SNTB1: variants seen among roughly 807,000 people sequenced by gnomAD.
SNTB1 encodes syntrophin beta 1.
A neutral mutation model predicts 48.9 loss-of-function variants in SNTB1; 36 were observed. The observed-to-expected ratio is 0.74, with a 90% CI of 0.56 to 0.97. SNTB1 has a LOEUF of 0.97. Among genes scored for constraint, SNTB1 ranks in the 50% least tolerant of loss-of-function variants. The pLI, the probability that SNTB1 is intolerant of heterozygous loss-of-function variation, is 0.00. For missense variants in SNTB1, 786 were observed against 703.4 expected (o/e 1.12, Z -1.33); for synonymous variants, 299 against 294.6 (o/e 1.01, Z -0.15).
intron 1 of SNTB1, among the ~76,000 whole-genome samples, chr8:120,767,147 T>A: frequency 6.6e-6 from 1 of 152,238 alleles, no homozygotes; most frequent in East Asian, 1.9e-4. Flanking sequence ...GTGTGTATGG[T>A]GAATTTCAGT....
chr8:120,541,775 A>G lies in SNTB1; in HGVS notation c.1524+35T>C, dbSNP rs1388300979. The G allele has an allele frequency of 2.7e-6, 4 of 1,467,080 alleles. No individual in the cohort carries two copies. The South Asian group carries it at 3.9e-5, about 14-fold the overall frequency. 90.9% of individuals were successfully genotyped at this position (1,467,080 alleles called of 1,614,324 possible). ...ATGTTGCATAATGAAATATTAATAT[A>G]TGAAATCACACTGTCTAAAGAAAAG... is the stretch of plus-strand genomic sequence containing the variant. On this transcript the variant is annotated intron_variant, in intron 6 of 6. Coordinates refer to ENST00000517992, the MANE Select transcript of SNTB1 (RefSeq NM_021021.4).
chr8:120,537,469 T>C lies in SNTB1; in HGVS notation c.*1408A>G, dbSNP rs910766864. The C allele has an allele frequency of 6.6e-6, 1 of 152,322 alleles. No individual in the cohort carries two copies. The allele number at this position is 152,322 out of a possible 1,614,324, so 9.4% of individuals were successfully genotyped here. ...CTTTGCAATTCAATAAACAAATATGTCTGAGTGAGAAAAATTGTGTTCCTT... is the reference window on the plus strand; with the variant it reads ...CTTTGCAATTCAATAAACAAATATGCCTGAGTGAGAAAAATTGTGTTCCTT... On this transcript the variant is annotated 3_prime_UTR_variant, in exon 7 of 7. Coordinates refer to ENST00000517992, the MANE Select transcript of SNTB1 (RefSeq NM_021021.4).
intron 2 of SNTB1, among the ~76,000 whole-genome samples, chr8:120,638,877 A>G (rs200260091): frequency 2.0e-5 from 3 of 152,206 alleles, no homozygotes; most frequent in Non-Finnish European, 4.4e-5. Flanking sequence ...GTGTACATGT[A>G]TCTTTATAGC....
intron 3 of SNTB1, among the ~76,000 whole-genome samples, chr8:120,592,447 C>T (rs972524224): frequency 1.3e-5 from 2 of 152,088 alleles, no homozygotes; most frequent in African/African-American, 4.8e-5. Flanking sequence ...CCTCAGTCTC[C>T]CAAAGTGCAG....
At chr8:120,551,411 T>C (rs1030568915) in intron 4 of SNTB1, among the ~76,000 whole-genome samples, 2 of 152,110 alleles carry the variant, frequency 1.3e-5, no homozygotes, top group Non-Finnish European at 2.9e-5. Context: ...AGACTGCATG[T>C]TAAACTGAAA....
intron 1 of SNTB1, among the ~76,000 whole-genome samples, chr8:120,749,250 A>T (rs1819173357): frequency 1.3e-5 from 2 of 152,172 alleles, no homozygotes; most frequent in South Asian, 4.1e-4. Flanking sequence ...CAATTTTTAA[A>T]ATTTGCTTGG....
At chr8:120,687,724 C>T (rs1456659701) in intron 2 of SNTB1, among the ~76,000 whole-genome samples, 1 of 152,224 alleles carries the variant, frequency 6.6e-6, no homozygotes, top group African/African-American at 2.4e-5. Flanking sequence ...TTCTGGCATT[C>T]TGCTCATATT....
At chr8:120,754,423 A>G (rs1383562211) in intron 1 of SNTB1, among the ~76,000 whole-genome samples, 1 of 151,948 alleles carries the variant, frequency 6.6e-6, no homozygotes, top group African/African-American at 2.4e-5. Context: ...TGCTTGAGCT[A>G]TAGTGAGCTG....
intron 3 of SNTB1, among the ~76,000 whole-genome samples, chr8:120,604,799 C>T (rs1288950936): frequency 1.3e-5 from 2 of 152,144 alleles, no homozygotes; most frequent in African/African-American, 4.8e-5. Flanking sequence ...AAAATAGAAG[C>T]ATCAGACCTA....
At chr8:120,651,036 A>G (rs1475793893) in intron 2 of SNTB1, among the ~76,000 whole-genome samples, 1 of 152,240 alleles carries the variant, frequency 6.6e-6, no homozygotes, top group Non-Finnish European at 1.5e-5. Flanking sequence ...TGAAACGATG[A>G]AATGAAGTAA....
At chr8:120,564,837 C>A (rs1370776050) in intron 4 of SNTB1, among the ~76,000 whole-genome samples, 3 of 152,108 alleles carry the variant, frequency 2.0e-5, no homozygotes, top group Non-Finnish European at 2.9e-5. Context: ...TCCCAAAGTG[C>A]TGGGATTACA....
chr8:120,646,374 AG>A (rs1281397981), intron 2 of SNTB1, among the ~76,000 whole-genome samples: 2 of 146,602 alleles, frequency 1.4e-5, no homozygotes, highest in Non-Finnish European at 3.0e-5. Flanking sequence ...TTTAGCATGA[AG>A]GGTTGTTGAA....
At chr8:120,637,711 T>A (rs770523373) in intron 2 of SNTB1, 50 of 444,298 alleles carry the variant, frequency 1.1e-4, no homozygotes, top group Non-Finnish European at 2.1e-4. Context: ...CACTTATGCC[T>A]GTTGAAATGG....
chr8:120,654,407 A>G (rs1817465245), intron 2 of SNTB1, among the ~76,000 whole-genome samples: 1 of 152,112 alleles, frequency 6.6e-6, no homozygotes, highest in Non-Finnish European at 1.5e-5. Flanking sequence ...TGAACTGACC[A>G]CTGCTTGATG....
At chr8:120,546,150 T>C (rs1414469566) in intron 5 of SNTB1, among the ~76,000 whole-genome samples, 1 of 152,164 alleles carries the variant, frequency 6.6e-6, no homozygotes. Flanking sequence ...ACAGCAACTA[T>C]TATATGAAAC....
At chr8:120,623,577 G>A (rs370031650) in intron 3 of SNTB1, among the ~76,000 whole-genome samples, 3 of 152,192 alleles carry the variant, frequency 2.0e-5, no homozygotes, top group African/African-American at 4.8e-5. Flanking sequence ...CCTGCACGGC[G>A]TGCAGTGTCC....
chr8:120,629,652 A>G lies in SNTB1; in HGVS notation c.996+2792T>C, dbSNP rs149872620. ...TCTGCACACCAGGATTCAGTATTAA[A>G]TATTTATTCAAAAAAATCTAGTTTG... On this transcript the variant is annotated intron_variant, in intron 3 of 6. Coordinates refer to ENST00000517992, the MANE Select transcript of SNTB1 (RefSeq NM_021021.4). Among the ~76,000 whole-genome samples, 44 of 152,330 alleles carry G rather than the reference A, an allele frequency of 2.9e-4. No homozygotes were observed. The East Asian group carries it at 6.9e-3, about 24-fold the overall frequency.
chr8:120,731,635 G>A (rs1056145919), intron 1 of SNTB1, among the ~76,000 whole-genome samples: 9 of 152,192 alleles, frequency 5.9e-5, no homozygotes, highest in African/African-American at 2.2e-4. Flanking sequence ...TGATCATGCA[G>A]ATATCAGGCT....
In SNTB1 at chr8:120,642,093, A is replaced by G. The variant is rs187157886; in HGVS notation, c.789-9442T>C. 3.2e-3 allele frequency among the ~76,000 whole-genome samples: 485 copies of G among 152,260 alleles called. 5 individuals carry two copies. The highest frequency in any genetic ancestry group is 0.011 in the African/African-American group (476 of 41,546). On this transcript the variant is annotated intron_variant, in intron 2 of 6. Transcript: ENST00000517992. ...GGTCCAGCAATCATCCTCCAGGAAA[A>G]TCTGACTCTAGTCAAGTTTGAGAAG... is the stretch of plus-strand genomic sequence containing the variant.
Sources: allele counts gnomAD v4.1 joint callset (sites outside exome capture counted in the v4.1 genomes callset), GRCh38; gene constraint gnomAD v4.1.1; transcripts MANE v1.5; gene names NCBI Gene and HGNC (gene_info 2026-07-23, HGNC 2026-07-21).